KCNJ6: variants seen among roughly 807,000 people sequenced by gnomAD.
The protein encoded by KCNJ6 is G protein-activated inward rectifier potassium channel 2.
In KCNJ6, 9 loss-of-function variants were observed where a neutral mutation model predicts 34.2. The ratio of observed to expected loss-of-function variants is 0.26; its 90% confidence interval spans 0.16 to 0.46. The LOEUF (loss-of-function observed/expected upper bound fraction) is 0.46. KCNJ6 is among the 20% of genes least tolerant of loss of function. The pLI is 1.00. For synonymous variants in KCNJ6, 196 were observed against 207.1 expected, an observed-to-expected ratio of 0.95 and a Z score of 0.46; for missense variants, 236 against 531.3, an observed-to-expected ratio of 0.44 and a Z score of 5.46.
In KCNJ6 at chr21:37,915,946, G is replaced by A. The variant is rs993987414; in HGVS notation, c.-90C>T. On this transcript the variant is annotated 5_prime_UTR_variant, in exon 1 of 4. Coordinates refer to ENST00000609713, the MANE Select transcript of KCNJ6 (RefSeq NM_002240.5). ...TCCTCTCTTGAAACGGAGCAAGACT[G>A]AACAATTCACTACACGACGGATGGC... is the stretch of plus-strand genomic sequence containing the variant. 1.3e-5 allele frequency: 2 copies of A among 152,126 alleles called. No individual in the cohort carries two copies. The highest frequency in any genetic ancestry group is 2.9e-5 in the Non-Finnish European group (2 of 68,122). 9.4% of individuals were successfully genotyped at this position (152,126 alleles called of 1,614,324 possible). A position where few individuals can be genotyped will look rare whatever the true frequency, so the allele number is the denominator to read the frequency against.
chr21:37,692,525 G>A (rs2054644541), intron 3 of KCNJ6, among the ~76,000 whole-genome samples: 1 of 152,136 alleles, frequency 6.6e-6, no homozygotes, highest in Non-Finnish European at 1.5e-5. Flanking sequence ...GAAACTGACG[G>A]GAATGTGGGG....
chr21:37,769,412 T>TTTATTATTATTA (rs71198893), intron 2 of KCNJ6, among the ~76,000 whole-genome samples: 3,218 of 145,298 alleles, frequency 0.022, 114 homozygotes, highest in African/African-American at 0.077. Context: ...AGCCTTCAAT[T>TTTATTATTATTA]TTATTATTAT....
intron 3 of KCNJ6, among the ~76,000 whole-genome samples, chr21:37,649,012 A>G (rs1242206119): frequency 1.7e-5 from 2 of 115,384 alleles, no homozygotes; most frequent in African/African-American, 6.9e-5. Context: ...GGTGCCTGTA[A>G]TCCCAACTAC....
intron 1 of KCNJ6, among the ~76,000 whole-genome samples, chr21:37,860,909 C>A (rs980806324): frequency 1.4e-5 from 1 of 69,942 alleles, no homozygotes; most frequent in Non-Finnish European, 2.9e-5. Flanking sequence ...TGGGGTTAGA[C>A]TCTCAGAGTT....
intron 3 of KCNJ6, among the ~76,000 whole-genome samples, chr21:37,699,497 C>T (rs1304199840): frequency 6.6e-6 from 1 of 152,218 alleles, no homozygotes; most frequent in Non-Finnish European, 1.5e-5. Context: ...CCATGTTTTG[C>T]TCTTCTGAGA....
At chr21:37,755,857 T>A (rs1019244473) in intron 2 of KCNJ6, among the ~76,000 whole-genome samples, 4 of 152,250 alleles carry the variant, frequency 2.6e-5, no homozygotes, top group Non-Finnish European at 5.9e-5. Flanking sequence ...CATCTCACAC[T>A]GCACCTTGGC....
At chr21:37,885,380 T>C (rs901943875) in intron 1 of KCNJ6, among the ~76,000 whole-genome samples, 2 of 152,054 alleles carry the variant, frequency 1.3e-5, no homozygotes, top group Non-Finnish European at 2.9e-5. Context: ...TCCTTGCTGC[T>C]TGGGGGACAC....
intron 2 of KCNJ6, among the ~76,000 whole-genome samples, chr21:37,838,429 G>A (rs887852263): frequency 1.3e-5 from 2 of 152,158 alleles, no homozygotes; most frequent in East Asian, 3.8e-4. Flanking sequence ...GAAGCCTTGG[G>A]AAAACTGTTA....
At chr21:37,851,130 G>C (rs2055535557) in intron 1 of KCNJ6, among the ~76,000 whole-genome samples, 1 of 152,122 alleles carries the variant, frequency 6.6e-6, no homozygotes, top group African/African-American at 2.4e-5. Flanking sequence ...ACCCAGTGGG[G>C]CATGATAACA....
intron 3 of KCNJ6, among the ~76,000 whole-genome samples, chr21:37,655,222 TGTGAGAGA>T (rs2054456053): frequency 2.4e-4 from 2 of 8,302 alleles, no homozygotes; most frequent in African/African-American, 3.8e-4. Flanking sequence ...TGTGTGTGTG[TGTGAGAGA>T]GAGAGAGAGA....
chr21:37,741,913 G>A (rs138891073), intron 2 of KCNJ6, among the ~76,000 whole-genome samples: 1 of 152,342 alleles, frequency 6.6e-6, no homozygotes, highest in African/African-American at 2.4e-5. Flanking sequence ...AATCAACCAA[G>A]TGAGGAAAAC....
At chr21:37,811,444 G>A (rs867537985) in intron 2 of KCNJ6, among the ~76,000 whole-genome samples, 3 of 152,250 alleles carry the variant, frequency 2.0e-5, no homozygotes, top group South Asian at 4.1e-4. Context: ...CAGTCTTGAG[G>A]GGCTGATGCC....
At chr21:37,877,257 T>C (rs2055683520) in intron 1 of KCNJ6, among the ~76,000 whole-genome samples, 1 of 152,156 alleles carries the variant, frequency 6.6e-6, no homozygotes, top group African/African-American at 2.4e-5. Context: ...TCCTGATAAC[T>C]CTGAAAGTCT....
At chr21:37,698,726 T>G (rs2054675528) in intron 3 of KCNJ6, among the ~76,000 whole-genome samples, 1 of 151,418 alleles carries the variant, frequency 6.6e-6, no homozygotes, top group Non-Finnish European at 1.5e-5. Context: ...AGACAGAGTC[T>G]TGCTCTGTCA....
At chr21:37,865,369 G>C (rs16995597) in intron 1 of KCNJ6, among the ~76,000 whole-genome samples, 229 of 152,256 alleles carry the variant, frequency 1.5e-3, no homozygotes, top group African/African-American at 5.4e-3. Context: ...CGTATATACT[G>C]TTTTTTTGCC....
intron 3 of KCNJ6, among the ~76,000 whole-genome samples, chr21:37,688,352 C>T (rs369261273): frequency 5.3e-4 from 78 of 147,406 alleles, no homozygotes; most frequent in African/African-American, 1.8e-3. Context: ...ACTAGAGATA[C>T]ACCCGTATTT....
At chr21:37,718,670 G>A (rs1003079125) in intron 2 of KCNJ6, among the ~76,000 whole-genome samples, 4 of 151,898 alleles carry the variant, frequency 2.6e-5, no homozygotes, top group African/African-American at 7.3e-5. Flanking sequence ...CTGTTAGGGG[G>A]TGGGGGATTG....
chr21:37,739,106 G>C (rs2054926978), intron 2 of KCNJ6, among the ~76,000 whole-genome samples: 1 of 152,156 alleles, frequency 6.6e-6, no homozygotes. Flanking sequence ...ACACACAGGG[G>C]ATTTTTGAAG....
Position 37,650,803 on chromosome 21 carries a change from A to G in KCNJ6, c.947-25319T>C, listed in dbSNP as rs547274768. 3.3e-5 allele frequency among the ~76,000 whole-genome samples: 5 copies of G among 152,342 alleles called. No homozygotes were observed. The South Asian group carries it at 8.3e-4, about 25-fold the overall frequency. Reference sequence around the variant, plus strand: ...AGTCTCTGGCGTTTAGTAAATATGTATGCTTTGTCTGTCTTTGTACATCCA... The same window carrying G: ...AGTCTCTGGCGTTTAGTAAATATGTGTGCTTTGTCTGTCTTTGTACATCCA... On this transcript the variant is annotated intron_variant, in intron 3 of 3. Coordinates refer to ENST00000609713, the MANE Select transcript of KCNJ6 (RefSeq NM_002240.5).
Sources: allele counts gnomAD v4.1 joint callset (sites outside exome capture counted in the v4.1 genomes callset), GRCh38; gene constraint gnomAD v4.1.1; transcripts MANE v1.5; gene names NCBI Gene and HGNC (gene_info 2026-07-23, HGNC 2026-07-21).